CPM: variants seen among roughly 807,000 people sequenced by gnomAD.
The protein encoded by CPM is renal carboxypeptidase.
Under a neutral mutation model 46.4 loss-of-function variants are expected in CPM, and 35 were observed. The ratio of observed to expected loss-of-function variants is 0.75; its 90% CI spans 0.58 to 1.00. The LOEUF (loss-of-function observed/expected upper bound fraction) is 1.00. CPM is among the 50% of genes least tolerant of loss of function. The probability of loss-of-function intolerance (pLI) is 0.00; values close to 1 mark genes in which losing one functional copy is unlikely to be tolerated. For synonymous variants in CPM, 195 were observed against 195.3 expected, an observed-to-expected ratio of 1.00 and a Z score of 0.01; for missense variants, 422 against 530.4, an observed-to-expected ratio of 0.80 and a Z score of 2.01.
At chr12:68,885,968 C>T in intron 2 of CPM, 79 bp from the exon 3 acceptor site, 1 of 1,187,010 alleles carries the variant, frequency 8.4e-7, no homozygotes. Flanking sequence ...GACTAGGAAA[C>T]AGGATGCTGC....
At chr12:68,932,937 G>C in intron 1 of CPM, 97 bp from the exon 2 acceptor site, 2 of 1,107,022 alleles carry the variant, frequency 1.8e-6, no homozygotes, top group Non-Finnish European at 2.6e-6. Flanking sequence ...AGGGTCTCCC[G>C]ACACTGACGC....
chr12:68,878,826 T>C (rs1215779419), intron 3 of CPM, among the ~76,000 whole-genome samples: 1 of 152,170 alleles, frequency 6.6e-6, no homozygotes, highest in East Asian at 1.9e-4. Flanking sequence ...TTAGTAAAAA[T>C]ACTTCATTGC....
At position 68,872,273 on chromosome 12, in the gene CPM, A is replaced by G. The variant is rs563889804; in HGVS notation, c.259-317T>C. Among the ~76,000 whole-genome samples, 283 of 44,358 alleles carry G rather than the reference A, an allele frequency of 6.4e-3. 2 individuals are homozygous for G. Among genetic ancestry groups the G allele is most frequent in the African/African-American group, 0.021 (265 of 12,640 alleles). 29.1% of individuals were successfully genotyped at this position (44,358 alleles called of 152,430 possible). On this transcript the variant is annotated intron_variant, in intron 3 of 8. Coordinates refer to ENST00000551568, the MANE Select transcript of CPM (RefSeq NM_198320.5). ...CTTCCTTTTTTTTTTTTTTTTTTTG[A>G]GACAGTCTCAACTCCGTCACCCAGG...
intron 3 of CPM, among the ~76,000 whole-genome samples, chr12:68,882,873 A>G (rs952394821): frequency 6.6e-6 from 1 of 152,258 alleles, no homozygotes; most frequent in Non-Finnish European, 1.5e-5. Flanking sequence ...ATTTAAAAAA[A>G]GACCCAATTC....
intron 2 of CPM, among the ~76,000 whole-genome samples, chr12:68,890,669 T>C (rs898847318): frequency 6.6e-6 from 1 of 152,278 alleles, no homozygotes; most frequent in Admixed American, 6.5e-5. Flanking sequence ...AGCATGCTGC[T>C]ACGGTTTGCT....
At chr12:68,881,239 G>GT (rs1378548585) in intron 3 of CPM, among the ~76,000 whole-genome samples, 3 of 152,190 alleles carry the variant, frequency 2.0e-5, no homozygotes, top group African/African-American at 7.2e-5. Context: ...CCAGTTTGAA[G>GT]TAAAGTCAGG....
At chr12:68,874,427 C>T (rs1391782260) in intron 3 of CPM, among the ~76,000 whole-genome samples, 2 of 151,614 alleles carry the variant, frequency 1.3e-5, no homozygotes, top group Admixed American at 1.3e-4. Context: ...ACCAGCCTGG[C>T]CAACATGGTG....
At position 68,871,778 on chromosome 12, in the gene CPM, C is replaced by G; in HGVS notation, c.431+6G>C. The G allele has an allele frequency of 6.2e-7, 1 of 1,614,102 alleles. No individual in the cohort carries two copies. The highest frequency in any genetic ancestry group is 1.1e-5 in the South Asian group (1 of 91,068). ...TTCAAGTAAAGATAGACCAGCCCCT[C>G]TTTACCTTCCGATGCTGTAATAACA... is the stretch of plus-strand genomic sequence containing the variant. On this transcript the variant is annotated splice_donor_region_variant and intron_variant, in intron 4 of 8. Transcript: ENST00000551568.
intron 2 of CPM, among the ~76,000 whole-genome samples, chr12:68,927,133 C>T (rs1362569407): frequency 2.6e-5 from 4 of 151,424 alleles, no homozygotes; most frequent in Non-Finnish European, 2.9e-5. Context: ...CCTGAGGAAT[C>T]GCCACACTGA....
At chr12:68,953,558 A>G (rs1888969274) in intron 1 of CPM, among the ~76,000 whole-genome samples, 1 of 152,104 alleles carries the variant, frequency 6.6e-6, no homozygotes, top group Non-Finnish European at 1.5e-5. Context: ...TTTTGAATTC[A>G]TTTATTCATT....
chr12:68,889,662 C>G (rs1283041356), intron 2 of CPM, among the ~76,000 whole-genome samples: 1 of 152,092 alleles, frequency 6.6e-6, no homozygotes, highest in East Asian at 1.9e-4. Context: ...GATGCCATCT[C>G]TACAAAAACT....
chr12:68,947,070 C>A (rs886859549), intron 1 of CPM, among the ~76,000 whole-genome samples: 8 of 152,050 alleles, frequency 5.3e-5, no homozygotes, highest in Non-Finnish European at 7.4e-5. Flanking sequence ...AAGTTTTTTC[C>A]CTCTATTCCA....
chr12:68,892,886 C>T (rs547902817), intron 2 of CPM, among the ~76,000 whole-genome samples: 2 of 151,970 alleles, frequency 1.3e-5, no homozygotes, highest in South Asian at 4.1e-4. Context: ...AGGGTAAGCA[C>T]GTTCTCACTC....
rs562825912 is a variant in CPM at position 68,868,829 on chromosome 12, G to T, written c.787+496C>A. On this transcript the variant is annotated intron_variant, in intron 6 of 8. Transcript: ENST00000551568. The stretch of plus-strand genomic sequence containing the variant: ...CTGGCAGTATTGGCTCCCCAAGGCT[G>T]CATGACAATAATTAGCTAGATCTAG... Among the ~76,000 whole-genome samples the T allele has an allele frequency of 2.6e-5, 4 of 152,120 alleles. No homozygotes were observed. The South Asian group carries it at 8.3e-4, about 32-fold the overall frequency.
At chr12:68,948,737 A>G (rs1888887440) in intron 1 of CPM, among the ~76,000 whole-genome samples, 1 of 152,206 alleles carries the variant, frequency 6.6e-6, no homozygotes, top group Non-Finnish European at 1.5e-5. Context: ...GTAATTCAGT[A>G]AGGATTTGGA....
chr12:68,920,698 T>C lies in CPM; in HGVS notation c.160+11980A>G, dbSNP rs532058215. Among the ~76,000 whole-genome samples, 145 of 143,032 alleles carry C rather than the reference T, an allele frequency of 1.0e-3. No homozygotes were observed. In the East Asian group the frequency reaches 0.012, roughly 12 times the overall value. The allele number at this position is 143,032 out of a possible 152,430, so 93.8% of individuals were successfully genotyped here. A position where few individuals can be genotyped will look rare whatever the true frequency, so the allele number is the denominator to read the frequency against. ...TTTTTTTTCTTTTTCTTTTTCTTTT[T>C]CTTTTTTTTTTTTAGACAGAGACTC... On this transcript the variant is annotated intron_variant, in intron 2 of 8. Coordinates refer to ENST00000551568, the MANE Select transcript of CPM (RefSeq NM_198320.5).
At chr12:68,899,657 G>A (rs957569060) in intron 2 of CPM, among the ~76,000 whole-genome samples, 4 of 152,138 alleles carry the variant, frequency 2.6e-5, no homozygotes, top group Admixed American at 1.3e-4. Flanking sequence ...AATATGAATC[G>A]GTCAATGCCA....
At chr12:68,963,234 GA>G (rs558379619) in exon 1 of CPM, 157 of 199,610 alleles carry the variant, frequency 7.9e-4, no homozygotes, top group African/African-American at 3.6e-3. Context: ...GCAGAAGGAA[GA>G]AATGCTGCTC....
At chr12:68,927,030 G>T (rs1269532516) in intron 2 of CPM, among the ~76,000 whole-genome samples, 1 of 152,212 alleles carries the variant, frequency 6.6e-6, no homozygotes, top group East Asian at 1.9e-4. Flanking sequence ...ACATACATGT[G>T]CATGTGTCTT....
Sources: gnomAD v4.1 joint callset for allele counts (sites outside exome capture counted in the v4.1 genomes callset) on GRCh38, gnomAD v4.1.1 for gene constraint, MANE v1.5 for transcripts, NCBI Gene and HGNC (gene_info 2026-07-23, HGNC 2026-07-21) for gene names.